The following ETNK1 variants were observed in gnomAD, a reference collection of about 807,000 sequenced individuals.
The protein encoded by ETNK1 is putative protein product of Nbla10396.
Under a neutral mutation model 45.1 loss-of-function variants are expected in ETNK1, and 8 were observed. The observed-to-expected ratio is 0.18, with a 90% CI of 0.10 to 0.32. ETNK1 has a LOEUF of 0.32. ETNK1 is among the 10% of genes least tolerant of loss of function. The probability of loss-of-function intolerance (pLI) is 1.00; values close to 1 mark genes in which losing one functional copy is unlikely to be tolerated. For missense variants in ETNK1, 302 were observed against 430.6 expected, an observed-to-expected ratio of 0.70 and a Z score of 2.64; for synonymous variants, 152 against 151.9, an observed-to-expected ratio of 1.00 and a Z score of -0.01.
At position 22,678,858 on chromosome 12, in the gene ETNK1, G is replaced by T. The variant is rs190730628; in HGVS notation, c.945+5198G>T. Among the ~76,000 whole-genome samples, 74 of 152,364 alleles carry T rather than the reference G, an allele frequency of 4.9e-4. 1 individual carries two copies. In the East Asian group the frequency reaches 0.014, roughly 28 times the overall value. ...TGCTTTTGGAGAAGTAACTGACAGA[G>T]TGTAGCCTGTCACAGACTAAGTGTT... On this transcript the variant is annotated intron_variant, in intron 6 of 7. Transcript: ENST00000266517.
At chr12:22,655,328 G>GTTTTTTT (rs10586779) in intron 2 of ETNK1, among the ~76,000 whole-genome samples, 1 of 122,778 alleles carries the variant, frequency 8.1e-6, no homozygotes, top group African/African-American at 3.0e-5. Context: ...GGGTTTGTTT[G>GTTTTTTT]TTTTTTTTTT....
At chr12:22,677,691 T>C (rs1954174937) in intron 6 of ETNK1, among the ~76,000 whole-genome samples, 2 of 152,206 alleles carry the variant, frequency 1.3e-5, no homozygotes, top group African/African-American at 2.4e-5. Context: ...CCTTGATCAG[T>C]GGTTTTGTAG....
At chr12:22,627,266 T>A (rs555195383) in intron 1 of ETNK1, among the ~76,000 whole-genome samples, 1 of 152,300 alleles carries the variant, frequency 6.6e-6, no homozygotes, top group African/African-American at 2.4e-5. Context: ...GTAGTGACAT[T>A]AAACTGTTTT....
intron 5 of ETNK1, among the ~76,000 whole-genome samples, chr12:22,671,840 T>C (rs1954110966): frequency 8.5e-6 from 1 of 117,174 alleles, no homozygotes; most frequent in Non-Finnish European, 1.6e-5. Flanking sequence ...CTCCATCTCA[T>C]TAAAAAAAAA....
chr12:22,632,194 C>G (rs1039898013), intron 1 of ETNK1, among the ~76,000 whole-genome samples: 2 of 151,426 alleles, frequency 1.3e-5, no homozygotes, highest in Admixed American at 1.3e-4. Flanking sequence ...ACCGTATGAA[C>G]ATGAAATAAT....
chr12:22,631,367 G>A (rs758033835), intron 1 of ETNK1, among the ~76,000 whole-genome samples: 1 of 152,002 alleles, frequency 6.6e-6, no homozygotes, highest in Non-Finnish European at 1.5e-5. Flanking sequence ...TAGAGACGGG[G>A]TTTCTTCATG....
chr12:22,670,026 G>T (rs962885756), intron 4 of ETNK1, among the ~76,000 whole-genome samples: 24 of 151,746 alleles, frequency 1.6e-4, no homozygotes, highest in African/African-American at 5.6e-4. Flanking sequence ...AAACATTTTT[G>T]CTTTTATGTA....
At chr12:22,671,502 A>T (rs1954106579) in intron 5 of ETNK1, 147 bp downstream of exon 5, 1 of 641,516 alleles carries the variant, frequency 1.6e-6, no homozygotes, top group African/African-American at 1.8e-5. Flanking sequence ...TATCACTGGA[A>T]GAAAGCAGAG....
intron 1 of ETNK1, among the ~76,000 whole-genome samples, chr12:22,641,615 T>C (rs1953738476): frequency 6.6e-6 from 1 of 152,136 alleles, no homozygotes; most frequent in African/African-American, 2.4e-5. Flanking sequence ...TAAACCAGGT[T>C]CATTGCTGTA....
intron 4 of ETNK1, among the ~76,000 whole-genome samples, chr12:22,666,278 G>C (rs1954053178): frequency 6.6e-6 from 1 of 152,130 alleles, no homozygotes; most frequent in Admixed American, 6.6e-5. Flanking sequence ...GGTAAGAAAA[G>C]AATACTTAAT....
Position 22,636,698 on chromosome 12 carries a change from T to C in ETNK1, c.157-7065T>C, listed in dbSNP as rs191787419. ...AAGAGAAAAAAAAGATGGTTGTTTC[T>C]GTACTGAACATGTGCAGATATTTTT... On this transcript the variant is annotated intron_variant, in intron 1 of 7. Coordinates refer to ENST00000266517, the MANE Select transcript of ETNK1 (RefSeq NM_018638.5). Among the ~76,000 whole-genome samples the C allele has an allele frequency of 3.3e-5, 5 of 152,348 alleles. No individual in the cohort carries two copies. In the East Asian group the frequency reaches 5.8e-4, roughly 18 times the overall value.
intron 6 of ETNK1, among the ~76,000 whole-genome samples, chr12:22,680,473 C>G (rs73080500): frequency 0.071 from 10,881 of 152,198 alleles, 527 homozygotes; most frequent in South Asian, 0.14. Flanking sequence ...CTACTTCACA[C>G]GTCCTACTTC....
chr12:22,639,602 G>GA lies in ETNK1; in HGVS notation c.157-4161_157-4160insA, dbSNP rs1299281091. Reference sequence around the variant, plus strand: ...TGAGGCAGGAGAGTCACTTGAACCTGGGGGGCGGAGGTTGCAGTGAGCCGA... The same window carrying GA: ...TGAGGCAGGAGAGTCACTTGAACCTGAGGGGGCGGAGGTTGCAGTGAGCCGA... On this transcript the variant is annotated intron_variant, in intron 1 of 7. Transcript: ENST00000266517. Among the ~76,000 whole-genome samples the GA allele has an allele frequency of 3.3e-5, 5 of 152,046 alleles. No homozygotes were observed. The East Asian group carries it at 7.7e-4, about 24-fold the overall frequency.
intron 6 of ETNK1, among the ~76,000 whole-genome samples, chr12:22,680,864 A>G (rs1954207590): frequency 7.1e-6 from 1 of 141,816 alleles, no homozygotes; most frequent in Non-Finnish European, 1.5e-5. Flanking sequence ...AACAGAGTAT[A>G]CGTAATGGCT....
chr12:22,625,769 C>A, intron 1 of ETNK1, 183 bp downstream of exon 1: 1 of 889,834 alleles, frequency 1.1e-6, no homozygotes, highest in Non-Finnish European at 1.8e-6. Context: ...CTTCCCGTCG[C>A]AGTTGCTCTT....
intron 5 of ETNK1, 37 bp downstream of exon 5, chr12:22,671,392 GAT>G: frequency 8.2e-7 from 1 of 1,221,526 alleles, no homozygotes; most frequent in Non-Finnish European, 1.2e-6. Flanking sequence ...GCTTTGAAAC[GAT>G]ATTTTCAGAA....
intron 1 of ETNK1, among the ~76,000 whole-genome samples, chr12:22,630,223 A>G (rs184269208): frequency 9.4e-4 from 143 of 152,312 alleles, no homozygotes; most frequent in Middle Eastern, 6.8e-3. Flanking sequence ...AATACCTACA[A>G]TTACGCATCG....
In ETNK1 at chr12:22,644,284, C is replaced by T. The variant is rs181493022; in HGVS notation, c.416+262C>T. The T allele has an allele frequency of 3.7e-6, 6 of 1,602,510 alleles. No homozygotes were observed. The African/African-American group carries it at 5.4e-5, about 14-fold the overall frequency. On this transcript the variant is annotated intron_variant, in intron 2 of 7. Coordinates refer to ENST00000266517, the MANE Select transcript of ETNK1 (RefSeq NM_018638.5). Reference sequence around the variant, plus strand: ...ATTAACCGGCTGCAGAGGGTCAAGGCTTCTGCTTAGTTTTTTCTAGTTAGT... The same window carrying T: ...ATTAACCGGCTGCAGAGGGTCAAGGTTTCTGCTTAGTTTTTTCTAGTTAGT...
intron 6 of ETNK1, among the ~76,000 whole-genome samples, chr12:22,677,365 C>G (rs972247538): frequency 2.0e-5 from 3 of 152,128 alleles, no homozygotes. Flanking sequence ...TTCCATTGAT[C>G]TATATATCTG....
Sources: allele counts gnomAD v4.1 joint callset (sites outside exome capture counted in the v4.1 genomes callset), GRCh38; gene constraint gnomAD v4.1.1; transcripts MANE v1.5; gene names NCBI Gene and HGNC (gene_info 2026-07-23, HGNC 2026-07-21).